Variants in MAP3K2 observed in about 807,000 individuals in gnomAD.
MAP3K2 encodes the protein mitogen-activated protein kinase kinase kinase 2.
Under a neutral mutation model 80.3 loss-of-function variants are expected in MAP3K2, and 24 were observed. The observed-to-expected ratio is 0.30, with a 90% CI of 0.22 to 0.42. The LOEUF (loss-of-function observed/expected upper bound fraction) is 0.42, where lower values mean the gene tolerates loss of function less well. MAP3K2 is among the 10% of genes least tolerant of loss of function. The pLI is 1.00. For missense variants in MAP3K2, 608 were observed against 750.1 expected, an observed-to-expected ratio of 0.81 and a Z score of 2.21; for synonymous variants, 244 against 253.7, an observed-to-expected ratio of 0.96 and a Z score of 0.36.
chr2:127,336,464 G>C (rs1478635535), intron 4 of MAP3K2, among the ~76,000 whole-genome samples: 1 of 152,150 alleles, frequency 6.6e-6, no homozygotes, highest in Non-Finnish European at 1.5e-5. Flanking sequence ...TAAAATTCTA[G>C]TGTTTTCTTT....
chr2:127,341,816 GC>G (rs1179775740), intron 2 of MAP3K2, among the ~76,000 whole-genome samples: 1 of 152,082 alleles, frequency 6.6e-6, no homozygotes, highest in Non-Finnish European at 1.5e-5. Context: ...ACAGGCATGA[GC>G]CACCACGCCC....
At chr2:127,340,503 AAAAATTAG>A (rs1686456336) in intron 2 of MAP3K2, among the ~76,000 whole-genome samples, 1 of 152,112 alleles carries the variant, frequency 6.6e-6, no homozygotes, top group South Asian at 2.1e-4. Context: ...CTAAAAATAC[AAAAATTAG>A]CCAGGCATGG....
intron 12 of MAP3K2, among the ~76,000 whole-genome samples, chr2:127,320,956 C>CA (rs1686008863): frequency 6.6e-6 from 1 of 152,028 alleles, no homozygotes; most frequent in Non-Finnish European, 1.5e-5. Context: ...CCACTCTCTA[C>CA]AAAAAATACA....
At chr2:127,375,291 A>C (rs1687131114) in intron 1 of MAP3K2, among the ~76,000 whole-genome samples, 1 of 152,216 alleles carries the variant, frequency 6.6e-6, no homozygotes, top group Non-Finnish European at 1.5e-5. Context: ...CAGACAACAC[A>C]GGCCCCGGAC....
intron 12 of MAP3K2, among the ~76,000 whole-genome samples, chr2:127,320,390 G>A (rs1302572867): frequency 6.6e-6 from 1 of 152,054 alleles, no homozygotes; most frequent in Non-Finnish European, 1.5e-5. Context: ...CAAGGCTGAG[G>A]AAAGAATCAG....
rs546152890 is a variant in MAP3K2, at chr2:127,335,056, C to T, written c.264+814G>A. On this transcript the variant is annotated intron_variant, in intron 5 of 16. Transcript: ENST00000682094. ...GTACTGGGATTACAAGCGTGAGCAA[C>T]CATGTCTGGCCTACTTTATGCATTT... is the stretch of plus-strand genomic sequence containing the variant. 1.1e-4 allele frequency among the ~76,000 whole-genome samples: 16 copies of T among 152,286 alleles called. 1 individual carries two copies. The South Asian group carries it at 3.3e-3, about 32-fold the overall frequency.
chr2:127,370,394 T>A (rs1687042570), intron 1 of MAP3K2, among the ~76,000 whole-genome samples: 1 of 152,166 alleles, frequency 6.6e-6, no homozygotes, highest in African/African-American at 2.4e-5. Context: ...GTGTGAGGAA[T>A]GCTGCAACAG....
chr2:127,334,203 C>A (rs938445189), intron 5 of MAP3K2, among the ~76,000 whole-genome samples: 1 of 151,598 alleles, frequency 6.6e-6, no homozygotes, highest in African/African-American at 2.4e-5. Context: ...AAAAAAAAAA[C>A]CAGCAATTCT....
intron 1 of MAP3K2, among the ~76,000 whole-genome samples, chr2:127,360,988 T>C (rs758010253): frequency 2.2e-4 from 34 of 152,188 alleles, no homozygotes; most frequent in Non-Finnish European, 3.5e-4. Flanking sequence ...ATTTTGAACT[T>C]TGTACCCTAT....
At chr2:127,329,891 C>T in intron 7 of MAP3K2, 30 bp downstream of exon 7, 1 of 1,218,170 alleles carries the variant, frequency 8.2e-7, no homozygotes, top group Non-Finnish European at 1.2e-6. Context: ...AGAAATCATT[C>T]ATTTCATAAT....
At chr2:127,378,464 G>A (rs1269253733) in intron 1 of MAP3K2, among the ~76,000 whole-genome samples, 2 of 152,226 alleles carry the variant, frequency 1.3e-5, no homozygotes, top group East Asian at 3.9e-4. Context: ...ATACATTTAT[G>A]TTCCCATCAA....
At chr2:127,323,782 C>G (rs1326969543) in intron 11 of MAP3K2, 120 bp downstream of exon 11, 2 of 482,598 alleles carry the variant, frequency 4.1e-6, no homozygotes, top group Non-Finnish European at 7.3e-6. Context: ...TGTTATAACA[C>G]AATTCCTCAT....
chr2:127,329,091 C>T (rs187012354), intron 7 of MAP3K2, among the ~76,000 whole-genome samples: 11 of 152,186 alleles, frequency 7.2e-5, no homozygotes, highest in South Asian at 2.1e-4. Context: ...TCATGTTGCA[C>T]GAATAAAGCC....
Position 127,307,688 on chromosome 2 carries a change from G to C in MAP3K2, c.1751C>G (p.Pro584Arg). ...ATCTCGAGTATAGTCTGAGACATGAGGTGGCAGCTTTGGGTTTGTTGGCTG... is the reference window on the plus strand; with the variant it reads ...ATCTCGAGTATAGTCTGAGACATGACGTGGCAGCTTTGGGTTTGTTGGCTG... ...ATQPTNPKLP[P>R]HVSDYTRDFL... Residue 584 changes from proline to arginine, a missense_variant, in exon 17 of 17, where the codon CCT becomes CGT. Physicochemically the swap from Pro to Arg is moderately radical, Grantham distance 103. Coordinates refer to ENST00000682094, the MANE Select transcript of MAP3K2 (RefSeq NM_001371910.2). The surrounding 1 kb of genome is among the most constrained non-coding windows in gnomAD (Gnocchi z 5.4). The C allele has an allele frequency of 6.3e-7, 1 of 1,596,714 alleles. No individual in the cohort carries two copies. Among genetic ancestry groups the C allele is most frequent in the South Asian group, 1.1e-5 (1 of 88,026 alleles).
chr2:127,311,825 T>G (rs1364791236), intron 15 of MAP3K2, among the ~76,000 whole-genome samples: 1 of 152,182 alleles, frequency 6.6e-6, no homozygotes, highest in African/African-American at 2.4e-5. Context: ...CCAAATGAAG[T>G]CCATACATTG....
chr2:127,329,982 T>C lies in MAP3K2; in HGVS notation c.405A>G (p.Ser135=), dbSNP rs1478019557. 1.2e-6 allele frequency: 2 copies of C among 1,609,478 alleles called. No individual in the cohort carries two copies. Among genetic ancestry groups the C allele is most frequent in the African/African-American group, 1.3e-5 (1 of 74,966 alleles). Residue 135 remains serine (S), a synonymous_variant, in exon 7 of 17, where the codon TCA becomes TCG. Coordinates refer to ENST00000682094, the MANE Select transcript of MAP3K2 (RefSeq NM_001371910.2). ...TQATNLEPLP[S]LEDLDNTVFG... is the part of the protein sequence containing the mutation. ...ATACTGTATTATCCAAATCTTCTAG[T>C]GATGGCAATGGTTCTAAATTAGTAG...
chr2:127,317,559 T>C (rs1573980261), intron 14 of MAP3K2, 70 bp downstream of exon 14: 2 of 1,315,220 alleles, frequency 1.5e-6, no homozygotes, highest in East Asian at 2.6e-5. Context: ...ATCTACGTTT[T>C]TGTTGTTTTT....
chr2:127,337,793 C>CTGAT lies in MAP3K2; in HGVS notation c.124-16_124-15insATCA, dbSNP rs761993009. ...CGGACATCATTCTGTAATGAAATGA[C>CTGAT]AAATCAGTCTTTCAGAGATTAGACA... On this transcript the variant is annotated splice_polypyrimidine_tract_variant and intron_variant, in intron 3 of 16. Coordinates refer to ENST00000682094, the MANE Select transcript of MAP3K2 (RefSeq NM_001371910.2). 1 of 1,484,918 alleles carries CTGAT rather than the reference C, an allele frequency of 6.7e-7. No homozygotes were observed. Among genetic ancestry groups the CTGAT allele is most frequent in the Admixed American group, 2.2e-5 (1 of 45,846 alleles). 92.0% of individuals were successfully genotyped at this position (1,484,918 alleles called of 1,614,324 possible).
At chr2:127,334,854 T>G (rs905818918) in intron 5 of MAP3K2, among the ~76,000 whole-genome samples, 1 of 149,810 alleles carries the variant, frequency 6.7e-6, no homozygotes, top group Admixed American at 6.7e-5. Flanking sequence ...CATTGCAACC[T>G]CTGCCTCCCG....
Sources: gnomAD v4.1 joint callset for allele counts (sites outside exome capture counted in the v4.1 genomes callset) on GRCh38, gnomAD v4.1.1 for gene constraint, Gnocchi (gnomAD v3.1) non-coding constraint, MANE v1.5 for transcripts, NCBI Gene and HGNC (gene_info 2026-07-23, HGNC 2026-07-21) for gene names.